KSR2: variants seen among roughly 807,000 people sequenced by gnomAD.
The protein encoded by KSR2 is kinase suppressor of ras 2.
A neutral mutation model predicts 107.8 loss-of-function variants in KSR2; 25 were observed. That is an observed-to-expected ratio of 0.23 (90% confidence interval 0.17 to 0.32). The LOEUF (loss-of-function observed/expected upper bound fraction) is 0.32, where lower values mean the gene tolerates loss of function less well. Ranked by LOEUF, KSR2 falls within the 10% of genes least tolerant of loss-of-function variation. KSR2 has a pLI of 1.00. For missense variants in KSR2, 887 were observed against 1,268.9 expected (o/e 0.70, Z 4.57); for synonymous variants, 480 against 507.0 (o/e 0.95, Z 0.71).
intron 1 of KSR2, among the ~76,000 whole-genome samples, chr12:117,886,123 C>T (rs974149554): frequency 2.0e-5 from 3 of 150,566 alleles, no homozygotes; most frequent in Non-Finnish European, 3.0e-5. Context: ...GCACATTCTG[C>T]ACAAGTATCT....
chr12:117,586,211 G>A (rs1879979210), intron 5 of KSR2, among the ~76,000 whole-genome samples: 1 of 152,132 alleles, frequency 6.6e-6, no homozygotes, highest in Non-Finnish European at 1.5e-5. Flanking sequence ...AAAAATACGT[G>A]AGGATATACA....
intron 1 of KSR2, among the ~76,000 whole-genome samples, chr12:117,884,374 T>C (rs1266035850): frequency 6.6e-6 from 1 of 152,184 alleles, no homozygotes. Context: ...CTGTGACACA[T>C]ACTCAAGTTG....
intron 4 of KSR2, among the ~76,000 whole-genome samples, chr12:117,740,541 A>T (rs1249464766): frequency 7.0e-5 from 7 of 99,510 alleles, no homozygotes; most frequent in Non-Finnish European, 1.7e-4. Flanking sequence ...TTATATATGT[A>T]ATATATGCAT....
At chr12:117,916,325 C>T (rs369749829) in intron 1 of KSR2, among the ~76,000 whole-genome samples, 8 of 151,696 alleles carry the variant, frequency 5.3e-5, no homozygotes, top group South Asian at 4.2e-4. Flanking sequence ...TTAGTAGAGA[C>T]GGGGTTTCAC....
At chr12:117,813,173 A>C (rs1891260081) in intron 3 of KSR2, among the ~76,000 whole-genome samples, 1 of 152,228 alleles carries the variant, frequency 6.6e-6, no homozygotes, top group African/African-American at 2.4e-5. Context: ...CTTTAAACTT[A>C]AAACTACTAG....
intron 1 of KSR2, among the ~76,000 whole-genome samples, chr12:117,943,662 A>G (rs1044309048): frequency 3.3e-4 from 50 of 152,202 alleles, no homozygotes; most frequent in African/African-American, 1.1e-3. Flanking sequence ...AAGTACTAAT[A>G]CATGGGTGAA....
chr12:117,472,659 C>A (rs908589495), intron 17 of KSR2, among the ~76,000 whole-genome samples: 1 of 152,150 alleles, frequency 6.6e-6, no homozygotes, highest in South Asian at 2.1e-4. Flanking sequence ...CAACCTTATA[C>A]CTCTGGGCTG....
intron 14 of KSR2, 67 bp from the exon 15 acceptor site, chr12:117,485,758 C>T: frequency 9.4e-7 from 1 of 1,062,920 alleles, no homozygotes; most frequent in Non-Finnish European, 1.5e-6. Context: ...ACAACAGTTA[C>T]TACAAGTGAC....
intron 14 of KSR2, among the ~76,000 whole-genome samples, chr12:117,508,667 T>G (rs1248736068): frequency 6.6e-6 from 1 of 151,650 alleles, no homozygotes; most frequent in African/African-American, 2.4e-5. Flanking sequence ...ATAGGTGGAC[T>G]GACAGGATGA....
At chr12:117,825,714 G>A (rs1036795784) in intron 3 of KSR2, among the ~76,000 whole-genome samples, 3 of 152,066 alleles carry the variant, frequency 2.0e-5, no homozygotes, top group African/African-American at 7.2e-5. Context: ...ACAAAGGCAG[G>A]AGCTTTGCTC....
chr12:117,559,468 G>A (rs2137354136), intron 7 of KSR2, among the ~76,000 whole-genome samples: 2 of 152,204 alleles, frequency 1.3e-5, no homozygotes, highest in Middle Eastern at 3.4e-3. Flanking sequence ...TTCACGAAAT[G>A]GGCATTATTA....
Position 117,934,830 on chromosome 12 carries a change from A to T in KSR2, c.180+33246T>A, listed in dbSNP as rs182791757. Among the ~76,000 whole-genome samples, 265 of 151,866 alleles carry T rather than the reference A, an allele frequency of 1.7e-3. 3 individuals are homozygous for T. Among genetic ancestry groups the T allele is most frequent in the African/African-American group, 6.1e-3 (251 of 41,396 alleles). On this transcript the variant is annotated intron_variant, in intron 1 of 19. Coordinates refer to ENST00000339824, the MANE Select transcript of KSR2 (RefSeq NM_173598.6). Reference sequence around the variant, plus strand: ...TCTTCTTCTTCTATTTATATTTTAAATTTTTTTCTTTTTGAGACAGAGTCT... The same window carrying T: ...TCTTCTTCTTCTATTTATATTTTAATTTTTTTTCTTTTTGAGACAGAGTCT...
intron 5 of KSR2, among the ~76,000 whole-genome samples, chr12:117,600,335 G>T (rs1880869326): frequency 6.6e-6 from 1 of 152,222 alleles, no homozygotes; most frequent in Non-Finnish European, 1.5e-5. Context: ...GAAAGGAAGA[G>T]GTGTCGAATC....
chr12:117,858,274 T>C (rs374226931), intron 2 of KSR2, among the ~76,000 whole-genome samples: 2 of 152,198 alleles, frequency 1.3e-5, no homozygotes, highest in East Asian at 1.9e-4. Flanking sequence ...GCACTTGATA[T>C]ATAAATGACT....
intron 4 of KSR2, among the ~76,000 whole-genome samples, chr12:117,682,217 A>G (rs550702840): frequency 6.3e-4 from 96 of 152,238 alleles, no homozygotes; most frequent in African/African-American, 2.3e-3. Context: ...GAGCTGAACA[A>G]TGAGAACATG....
At position 117,897,876 on chromosome 12, in the gene KSR2, A is replaced by G. The variant is rs1894561880; in HGVS notation, c.181-37445T>C. ...CAGAAGTTTTAGTTGGCTTGAGAAT[A>G]TAGCCACCCACGCGAAATGGTTGGC... On this transcript the variant is annotated intron_variant, in intron 1 of 19. Transcript: ENST00000339824. This position sits in a 1 kb window ranked among gnomAD's most constrained non-coding sequence, Gnocchi z 4.5. 6.6e-6 allele frequency among the ~76,000 whole-genome samples: 1 copy of G among 152,142 alleles called. No individual in the cohort carries two copies. Among genetic ancestry groups the G allele is most frequent in the Non-Finnish European group, 1.5e-5 (1 of 68,030 alleles).
chr12:117,840,283 A>G (rs1231907317), intron 3 of KSR2, among the ~76,000 whole-genome samples: 2 of 152,094 alleles, frequency 1.3e-5, no homozygotes, highest in East Asian at 3.9e-4. Context: ...TTTTTAGTAG[A>G]GATGGGGTTT....
intron 1 of KSR2, among the ~76,000 whole-genome samples, chr12:117,914,378 G>A (rs1216041667): frequency 1.4e-5 from 2 of 143,522 alleles, no homozygotes; most frequent in Admixed American, 7.2e-5. Context: ...GCAGCGAGTC[G>A]AAATCACGCC....
chr12:117,734,731 CGCATGCAT>C (rs377645424), intron 4 of KSR2, among the ~76,000 whole-genome samples: 6 of 150,134 alleles, frequency 4.0e-5, no homozygotes, highest in East Asian at 2.0e-4. Context: ...GATGGATGGA[CGCATGCAT>C]GCATGCATGC....
Sources: gnomAD v4.1 joint callset for allele counts (sites outside exome capture counted in the v4.1 genomes callset) on GRCh38, gnomAD v4.1.1 for gene constraint, Gnocchi (gnomAD v3.1) non-coding constraint, MANE v1.5 for transcripts, NCBI Gene and HGNC (gene_info 2026-07-23, HGNC 2026-07-21) for gene names.